Variants in RBM6 observed in about 807,000 individuals in gnomAD.
The protein encoded by RBM6 is RNA binding motif protein 6, also known as RNA-binding protein 6.
Under a neutral mutation model 140.4 loss-of-function variants are expected in RBM6, and 23 were observed. The ratio of observed to expected loss-of-function variants is 0.16; its 90% CI spans 0.12 to 0.23. RBM6 has a LOEUF of 0.23. RBM6 is among the 10% of genes least tolerant of loss of function. The probability of loss-of-function intolerance (pLI) is 1.00; values close to 1 mark genes in which losing one functional copy is unlikely to be tolerated. For synonymous variants in RBM6, 439 were observed against 475.6 expected (o/e 0.92, Z 1.00); for missense variants, 1,139 against 1,386.7 (o/e 0.82, Z 2.84).
intron 6 of RBM6, among the ~76,000 whole-genome samples, chr3:50,005,755 C>T (rs977739336): frequency 1.3e-5 from 2 of 152,148 alleles, no homozygotes; most frequent in Admixed American, 6.5e-5. Context: ...GAGTATCCAG[C>T]ATCCTAGCCA....
chr3:50,074,221 C>A (rs1000208462), intron 19 of RBM6, among the ~76,000 whole-genome samples: 4 of 152,206 alleles, frequency 2.6e-5, no homozygotes, highest in African/African-American at 9.7e-5. Flanking sequence ...TTTTCTCTTA[C>A]ACAAACTCCT....
chr3:50,050,877 TC>T (rs1173324461), intron 7 of RBM6, among the ~76,000 whole-genome samples: 5 of 152,216 alleles, frequency 3.3e-5, no homozygotes, highest in African/African-American at 1.2e-4. Flanking sequence ...GGAGAAATGT[TC>T]AACCAAGTCC....
intron 5 of RBM6, 65 bp from the exon 6 acceptor site, chr3:49,999,375 A>G: frequency 1.5e-6 from 2 of 1,373,236 alleles, no homozygotes; most frequent in Non-Finnish European, 2.1e-6. Context: ...AGGGGATTTA[A>G]GTGTGTCTTT....
chr3:50,016,912 G>C lies in RBM6; in HGVS notation c.1557+17399G>C, dbSNP rs931788487. Among the ~76,000 whole-genome samples, 9 of 145,686 alleles carry C rather than the reference G, an allele frequency of 6.2e-5. No homozygotes were observed. In the Admixed American group the frequency reaches 6.4e-4, roughly 10 times the overall value. On this transcript the variant is annotated intron_variant, in intron 6 of 20. Transcript: ENST00000266022. ...ATGACCTCGGCTTACTGCAATCTCTGCCTCCCGGGTTCAAGTAATTCTCAT... is the reference window on the plus strand; with the variant it reads ...ATGACCTCGGCTTACTGCAATCTCTCCCTCCCGGGTTCAAGTAATTCTCAT...
chr3:49,965,734 A>G (rs997418815), intron 2 of RBM6, among the ~76,000 whole-genome samples: 3 of 151,968 alleles, frequency 2.0e-5, no homozygotes, highest in Non-Finnish European at 2.9e-5. Context: ...AGACATAACT[A>G]GTGTTAATGG....
At chr3:49,970,021 A>T (rs1575580159) in intron 3 of RBM6, among the ~76,000 whole-genome samples, 1 of 151,386 alleles carries the variant, frequency 6.6e-6, no homozygotes, top group Non-Finnish European at 1.5e-5. Context: ...GCTCACAGCA[A>T]CCTCCGCCTC....
In RBM6 at chr3:49,967,942, T is replaced by G; in HGVS notation, c.517T>G (p.Ser173Ala). The change falls in exon 3 of 21, where the codon TCT becomes GCT. Residue 173 changes from serine to alanine, a missense_variant. Physicochemically the swap from Ser to Ala is moderately conservative, Grantham distance 99. Transcript: ENST00000266022. This position sits in a 1 kb window ranked among gnomAD's most constrained non-coding sequence, Gnocchi z 4.0. ...CTTCAGAGGTAGGGATGCTCCTCCA[T>G]CTGACTTCAGGGGCCGGGGCACTTA... ...VDFRGRDAPPSDFRGRGTYDL... is the reference protein window; with the variant it reads ...VDFRGRDAPPADFRGRGTYDL... 6.2e-7 allele frequency: 1 copy of G among 1,614,166 alleles called. No homozygotes were observed. Among genetic ancestry groups the G allele is most frequent in the Non-Finnish European group, 8.5e-7 (1 of 1,180,032 alleles).
intron 6 of RBM6, among the ~76,000 whole-genome samples, chr3:50,009,627 G>A (rs969408259): frequency 1.3e-5 from 2 of 152,118 alleles, no homozygotes; most frequent in East Asian, 1.9e-4. Flanking sequence ...CATGATCATG[G>A]CTCACTGCAG....
At chr3:50,032,540 T>C (rs981392709) in intron 6 of RBM6, among the ~76,000 whole-genome samples, 3 of 151,634 alleles carry the variant, frequency 2.0e-5, no homozygotes, top group South Asian at 2.1e-4. Context: ...AAATAGACAT[T>C]GGGAGACTAT....
At chr3:50,018,471 G>A (rs981571643) in intron 6 of RBM6, among the ~76,000 whole-genome samples, 1 of 150,764 alleles carries the variant, frequency 6.6e-6, no homozygotes, top group African/African-American at 2.4e-5. Context: ...TGACAGTTAC[G>A]AATAAAGCTG....
At position 50,077,244 on chromosome 3, in the gene RBM6, A is replaced by G. The variant is rs933147683; in HGVS notation, c.*111A>G. The G allele has an allele frequency of 1.1e-5, 13 of 1,210,362 alleles. No individual in the cohort carries two copies. The highest frequency in any genetic ancestry group is 5.1e-5 in the South Asian group (3 of 58,806). The allele number at this position is 1,210,362 out of a possible 1,614,324, so 75.0% of individuals were successfully genotyped here. ...ACTTTTTTAAATAAACTTTTTTTCAATGTGATTATCTTTTTGTTATTTTTT... is the reference window on the plus strand; with the variant it reads ...ACTTTTTTAAATAAACTTTTTTTCAGTGTGATTATCTTTTTGTTATTTTTT... On this transcript the variant is annotated 3_prime_UTR_variant, in exon 21 of 21. Transcript: ENST00000266022.
At chr3:50,034,958 A>ATCTGTT (rs2088422255) in intron 6 of RBM6, among the ~76,000 whole-genome samples, 1 of 151,172 alleles carries the variant, frequency 6.6e-6, no homozygotes. Flanking sequence ...AAAGAAAAAA[A>ATCTGTT]TCTGTTTCTC....
In RBM6 at chr3:50,057,845, C is replaced by T; in HGVS notation, c.1811C>T (p.Pro604Leu). ...AGACCAGCTGATAAGGAACCTGAAC[C>T]CAGGAAGAGGGAAGAAGGCCAAGAG... is the stretch of plus-strand genomic sequence containing the variant. Reference protein sequence around the residue: ...PLRPADKEPEPRKREEGQESR... With the variant: ...PLRPADKEPELRKREEGQESR... The change falls in exon 9 of 21, where the codon CCC (proline) becomes CTC (leucine). Residue 604 changes from proline to leucine, a missense_variant. Pro to Leu is a moderately conservative substitution (Grantham distance 98). Around this residue, in one of 9 missense-constraint regions of RBM6, gnomAD observed 109 missense variants for 101.9 expected, o/e 1.07. Coordinates refer to ENST00000266022, the MANE Select transcript of RBM6 (RefSeq NM_005777.3). 1 of 1,613,744 alleles carries T rather than the reference C, an allele frequency of 6.2e-7. No homozygotes were observed. The highest frequency in any genetic ancestry group is 8.5e-7 in the Non-Finnish European group (1 of 1,179,970).
chr3:50,041,086 T>C (rs2088893085), intron 6 of RBM6, among the ~76,000 whole-genome samples: 1 of 152,226 alleles, frequency 6.6e-6, no homozygotes, highest in Admixed American at 6.5e-5. Flanking sequence ...GCTGGCGTCA[T>C]ATAGTCTAAA....
At chr3:49,960,759 C>G (rs532949138) in intron 1 of RBM6, among the ~76,000 whole-genome samples, 2 of 152,008 alleles carry the variant, frequency 1.3e-5, no homozygotes, top group African/African-American at 4.8e-5. Context: ...GGATGGTGTC[C>G]GATCAGGTCT....
intron 1 of RBM6, among the ~76,000 whole-genome samples, chr3:49,958,587 A>C (rs2084121511): frequency 2.7e-5 from 4 of 149,980 alleles, no homozygotes; most frequent in Admixed American, 2.7e-4. Context: ...AACAAAAAAC[A>C]AAAAACCACA....
chr3:50,012,931 C>T (rs984204756), intron 6 of RBM6, among the ~76,000 whole-genome samples: 2 of 151,562 alleles, frequency 1.3e-5, no homozygotes, highest in Admixed American at 1.3e-4. Context: ...TTAGTGGAGA[C>T]CAGGTTCCTC....
At chr3:49,981,888 A>G (rs559731072) in intron 5 of RBM6, among the ~76,000 whole-genome samples, 5 of 152,266 alleles carry the variant, frequency 3.3e-5, no homozygotes, top group East Asian at 1.9e-4. Flanking sequence ...ATATTTTTCC[A>G]AAAGGGATTT....
At chr3:49,986,605 A>AC (rs1197480606) in intron 5 of RBM6, among the ~76,000 whole-genome samples, 30 of 149,314 alleles carry the variant, frequency 2.0e-4, no homozygotes, top group South Asian at 2.1e-4. Flanking sequence ...AAAAAAAAAA[A>AC]AAAACAAAAC....
Sources: allele counts gnomAD v4.1 joint callset (sites outside exome capture counted in the v4.1 genomes callset), GRCh38; gene constraint gnomAD v4.1.1; regional missense constraint gnomAD v4.1.1; non-coding constraint Gnocchi (gnomAD v3.1); transcripts MANE v1.5; gene names NCBI Gene and HGNC (gene_info 2026-07-23, HGNC 2026-07-21).